Variants in KIFAP3 observed in about 807,000 individuals in gnomAD.
The protein encoded by KIFAP3 is kinesin associated protein 3, also known as kinesin-associated protein 3.
Under a neutral mutation model 106.5 loss-of-function variants are expected in KIFAP3, and 68 were observed. The ratio of observed to expected loss-of-function variants is 0.64; its 90% confidence interval spans 0.53 to 0.78. The LOEUF (loss-of-function observed/expected upper bound fraction) is 0.78. Ranked by LOEUF, KIFAP3 falls within the 30% of genes least tolerant of loss-of-function variation. KIFAP3 has a pLI of 0.00. For synonymous variants in KIFAP3, 320 were observed against 311.5 expected, an observed-to-expected ratio of 1.03 and a Z score of -0.29; for missense variants, 780 against 941.8, an observed-to-expected ratio of 0.83 and a Z score of 2.25.
intron 10 of KIFAP3, among the ~76,000 whole-genome samples, chr1:170,004,856 T>G (rs1306483052): frequency 6.6e-6 from 1 of 150,936 alleles, no homozygotes; most frequent in Non-Finnish European, 1.5e-5. Flanking sequence ...AATTGACAAA[T>G]GGGATCTAAT....
At chr1:169,956,755 C>T (rs1665036708) in intron 18 of KIFAP3, among the ~76,000 whole-genome samples, 1 of 151,956 alleles carries the variant, frequency 6.6e-6, no homozygotes, top group African/African-American at 2.4e-5. Flanking sequence ...GGATGTGTAC[C>T]ACCACATCTG....
At chr1:169,954,722 A>G (rs1170072223) in intron 18 of KIFAP3, among the ~76,000 whole-genome samples, 2 of 152,236 alleles carry the variant, frequency 1.3e-5, no homozygotes, top group African/African-American at 4.8e-5. Context: ...TATACTATAC[A>G]GAAATATTCC....
intron 8 of KIFAP3, among the ~76,000 whole-genome samples, chr1:170,030,724 C>A (rs559392656): frequency 1.3e-5 from 2 of 151,694 alleles, no homozygotes; most frequent in Non-Finnish European, 3.0e-5. Context: ...ATATAAAACT[C>A]TAGAAAATGC....
At position 170,074,500 on chromosome 1, in the gene KIFAP3, G is replaced by GT. The variant is rs759587083; in HGVS notation, c.-34dup. On this transcript the variant is annotated 5_prime_UTR_variant, in exon 1 of 20. Transcript: ENST00000361580. ...GCGGCAGCGGCGTGGAGAGGATGGG[G>GT]TATCTTGAGAGGCAGGCGCGGTTAT... The GT allele has an allele frequency of 5.2e-5, 84 of 1,613,838 alleles. No homozygotes were observed. In the African/African-American group the frequency reaches 1.1e-3, roughly 20 times the overall value.
chr1:169,960,751 A>C (rs191706564), intron 18 of KIFAP3, among the ~76,000 whole-genome samples: 3 of 152,150 alleles, frequency 2.0e-5, no homozygotes, highest in Admixed American at 1.3e-4. Context: ...CGGAAGTCAG[A>C]AATCTTGAAG....
intron 16 of KIFAP3, among the ~76,000 whole-genome samples, 183 bp from the exon 17 acceptor site, chr1:169,972,781 G>C (rs1318817044): frequency 1.3e-5 from 2 of 151,400 alleles, no homozygotes; most frequent in Non-Finnish European, 3.0e-5. Flanking sequence ...AGAAAAACAG[G>C]GATAGTAGGG....
chr1:169,961,602 C>T (rs565937452), intron 17 of KIFAP3, among the ~76,000 whole-genome samples: 2 of 152,130 alleles, frequency 1.3e-5, no homozygotes, highest in East Asian at 1.9e-4. Flanking sequence ...ATTTCAATTG[C>T]ACAGGTCCAC....
intron 2 of KIFAP3, 23 bp downstream of exon 2, chr1:170,055,282 A>T (rs1355480602): frequency 6.3e-7 from 1 of 1,586,706 alleles, no homozygotes; most frequent in Admixed American, 1.9e-5. Context: ...TACTTTCAAA[A>T]TGTGCACAAA....
Position 169,981,983 on chromosome 1 carries a change from T to A in KIFAP3, c.1787A>T (p.Glu596Val). 1.2e-6 allele frequency: 2 copies of A among 1,612,196 alleles called. No individual in the cohort carries two copies. Among genetic ancestry groups the A allele is most frequent in the Non-Finnish European group, 1.7e-6 (2 of 1,178,756 alleles). ...TTAAGGTTATTTACCATTTAGCAAT[T>A]CAATGAGTGCAGGGATTATGCCAGA... ...AKSGIIPALI[E>V]LLNAQQEDDE... is the part of the protein sequence containing the mutation. The change falls in exon 15 of 20, where the codon GAA (glutamate) becomes GTA (valine). Residue 596 changes from glutamate to valine, a missense_variant. By Grantham distance (121) the Glu-to-Val change is moderately radical. Around this residue, in one of 3 missense-constraint regions of KIFAP3, gnomAD observed 78 missense variants for 140.6 expected, o/e 0.55. Coordinates refer to ENST00000361580, the MANE Select transcript of KIFAP3 (RefSeq NM_014970.4).
intron 1 of KIFAP3, among the ~76,000 whole-genome samples, chr1:170,066,071 G>A (rs1437737607): frequency 1.3e-5 from 2 of 150,206 alleles, no homozygotes; most frequent in Non-Finnish European, 3.0e-5. Context: ...ACTGTTTTTG[G>A]TGGTTGCTTT....
Position 169,957,166 on chromosome 1 carries a change from A to G in KIFAP3, c.2174-3056T>C, listed in dbSNP as rs369988046. On this transcript the variant is annotated intron_variant, in intron 18 of 19. Coordinates refer to ENST00000361580, the MANE Select transcript of KIFAP3 (RefSeq NM_014970.4). ...ATCATAGCTTCTTATTTATTCTCCAAATAAATCTAGGAGTGTCTTAAATTC... is the reference window on the plus strand; with the variant it reads ...ATCATAGCTTCTTATTTATTCTCCAGATAAATCTAGGAGTGTCTTAAATTC... Among the ~76,000 whole-genome samples, 9 of 152,326 alleles carry G rather than the reference A, an allele frequency of 5.9e-5. No homozygotes were observed. The East Asian group carries it at 1.3e-3, about 23-fold the overall frequency.
chr1:170,058,537 G>C lies in KIFAP3; in HGVS notation c.33-3101C>G, dbSNP rs187627123. ...TTTACAGCATGGGTATGGCACAATA[G>C]GCTGCTTAATGGGGAACTCTATTCA... is the stretch of plus-strand genomic sequence containing the variant. On this transcript the variant is annotated intron_variant, in intron 1 of 19. Transcript: ENST00000361580. Among the ~76,000 whole-genome samples, 443 of 152,206 alleles carry C rather than the reference G, an allele frequency of 2.9e-3. 2 individuals are homozygous for C. Among genetic ancestry groups the C allele is most frequent in the South Asian group, 5.0e-3 (24 of 4,830 alleles).
At chr1:170,021,492 T>C (rs1365566956) in intron 9 of KIFAP3, among the ~76,000 whole-genome samples, 1 of 144,194 alleles carries the variant, frequency 6.9e-6, no homozygotes, top group Non-Finnish European at 1.5e-5. Context: ...CAGGCTGGAG[T>C]GCAGTGACAT....
At chr1:170,078,404 G>A (rs1206997316), upstream of KIFAP3, among the ~76,000 whole-genome samples, 1 of 151,914 alleles carries the variant, frequency 6.6e-6, no homozygotes, top group Non-Finnish European at 1.5e-5. Flanking sequence ...ATTTTTGCCA[G>A]ACTGATAAAC....
At chr1:170,082,378 G>A (rs1292334083) in intron 1 of KIFAP3, among the ~76,000 whole-genome samples, 2 of 152,134 alleles carry the variant, frequency 1.3e-5, no homozygotes, top group East Asian at 1.9e-4. Context: ...AGCACACCCC[G>A]ATCTATTATG....
chr1:170,041,849 A>C, intron 3 of KIFAP3: 2 of 1,425,620 alleles, frequency 1.4e-6, no homozygotes, highest in Non-Finnish European at 1.9e-6. Flanking sequence ...ATCTGTAAAA[A>C]GGGCCCTGTT....
chr1:170,010,311 A>G (rs934373318), intron 10 of KIFAP3, among the ~76,000 whole-genome samples: 3 of 152,012 alleles, frequency 2.0e-5, no homozygotes, highest in Non-Finnish European at 4.4e-5. Context: ...TTTCAGCATG[A>G]GATAGAAAAT....
intron 16 of KIFAP3, among the ~76,000 whole-genome samples, chr1:169,975,848 A>G (rs761083746): frequency 6.6e-6 from 1 of 152,188 alleles, no homozygotes; most frequent in Non-Finnish European, 1.5e-5. Flanking sequence ...TTTAAGACAC[A>G]AAGTTTTTAT....
chr1:170,062,415 C>T (rs1448966486), intron 1 of KIFAP3, among the ~76,000 whole-genome samples: 1 of 151,946 alleles, frequency 6.6e-6, no homozygotes, highest in Non-Finnish European at 1.5e-5. Context: ...CCAAAGCTTA[C>T]AAAACTTCTT....
Sources: allele counts gnomAD v4.1 joint callset (sites outside exome capture counted in the v4.1 genomes callset), GRCh38; gene constraint gnomAD v4.1.1; regional missense constraint gnomAD v4.1.1; transcripts MANE v1.5; gene names NCBI Gene and HGNC (gene_info 2026-07-23, HGNC 2026-07-21).